SNRK: variants seen among roughly 807,000 people sequenced by gnomAD.
SNRK encodes SNF-related serine/threonine-protein kinase.
In SNRK, 3 loss-of-function variants were observed where a neutral mutation model predicts 48.2. The observed-to-expected ratio is 0.06, with a 90% confidence interval of 0.03 to 0.16. The LOEUF (loss-of-function observed/expected upper bound fraction) is 0.16. Among genes scored for constraint, SNRK ranks in the 10% least tolerant of loss-of-function variants. The pLI, the probability that SNRK is intolerant of heterozygous loss-of-function variation, is 1.00. For missense variants in SNRK, 627 were observed against 976.0 expected, an observed-to-expected ratio of 0.64 and a Z score of 4.76; for synonymous variants, 376 against 366.1, an observed-to-expected ratio of 1.03 and a Z score of -0.31.
chr3:43,348,362 G>A lies in SNRK; in HGVS notation c.2103G>A (p.Val701=), dbSNP rs1433830175. The change falls in exon 7 of 7, where the codon GTG becomes GTA. Residue 701 remains valine, a synonymous_variant. Transcript: ENST00000296088. ...STGNAGQVPA[V]GGIKFFSDHM... ...GGAATGCAGGGCAGGTCCCTGCAGT[G>A]GGCGGCATAAAGTTTTTCTCTGACC... is the stretch of plus-strand genomic sequence containing the variant. The A allele has an allele frequency of 1.2e-6, 2 of 1,607,882 alleles. No individual in the cohort carries two copies. Among genetic ancestry groups the A allele is most frequent in the Non-Finnish European group, 1.7e-6 (2 of 1,177,242 alleles).
Position 43,348,565 on chromosome 3 carries a change from C to T in SNRK, c.*8C>T, listed in dbSNP as rs951226572. 2.6e-6 allele frequency: 4 copies of T among 1,521,584 alleles called. No homozygotes were observed. Among genetic ancestry groups the T allele is most frequent in the Non-Finnish European group, 3.5e-6 (4 of 1,138,866 alleles). 94.3% of individuals were successfully genotyped at this position (1,521,584 alleles called of 1,614,324 possible). On this transcript the variant is annotated 3_prime_UTR_variant, in exon 7 of 7. Coordinates refer to ENST00000296088, the MANE Select transcript of SNRK (RefSeq NM_017719.5). ...TGTTGCCATGTCATCTGACTGTGGC[C>T]CCATCTGGCCGCTAGCACGCTTCCT...
At chr3:43,305,997 C>T (rs2090934886) in intron 3 of SNRK, among the ~76,000 whole-genome samples, 1 of 151,916 alleles carries the variant, frequency 6.6e-6, no homozygotes, top group Non-Finnish European at 1.5e-5. Context: ...TTGTAATGTT[C>T]CTTTTTCTTC....
chr3:43,320,488 G>C (rs1423072616), intron 3 of SNRK, among the ~76,000 whole-genome samples: 2 of 152,144 alleles, frequency 1.3e-5, no homozygotes, highest in South Asian at 4.1e-4. Flanking sequence ...CCACGTTCCA[G>C]GTTGTGATTC....
intron 3 of SNRK, among the ~76,000 whole-genome samples, chr3:43,313,005 T>A (rs1224317634): frequency 2.0e-5 from 3 of 152,176 alleles, no homozygotes; most frequent in African/African-American, 7.2e-5. Flanking sequence ...TTAACATAAT[T>A]CCTATCAAAA....
At chr3:43,339,137 G>T (rs2091213258) in intron 4 of SNRK, among the ~76,000 whole-genome samples, 2 of 152,196 alleles carry the variant, frequency 1.3e-5, no homozygotes, top group African/African-American at 2.4e-5. Flanking sequence ...TCTACTAGTT[G>T]CCTAGGAGTG....
chr3:43,296,415 C>CATATATATAT (rs371078181), intron 1 of SNRK, among the ~76,000 whole-genome samples: 22,249 of 126,818 alleles, frequency 0.18, 2,275 homozygotes, highest in South Asian at 0.26. Context: ...GATATACTGG[C>CATATATATAT]ATATATATAT....
intron 1 of SNRK, among the ~76,000 whole-genome samples, chr3:43,294,812 G>T (rs563925512): frequency 6.6e-6 from 1 of 151,766 alleles, no homozygotes; most frequent in African/African-American, 2.4e-5. Flanking sequence ...ATAAAAAGAT[G>T]GTAGGGAGTT....
rs1370344994 is a variant in SNRK, at chr3:43,340,561, C to CT, written c.944+63dup. The CT allele has an allele frequency of 3.2e-5, 45 of 1,408,896 alleles. No homozygotes were observed. In the Admixed American group the frequency reaches 7.7e-4, roughly 24 times the overall value. The allele number at this position is 1,408,896 out of a possible 1,614,324, so 87.3% of individuals were successfully genotyped here. A position where few individuals can be genotyped will look rare whatever the true frequency, so the allele number is the denominator to read the frequency against. On this transcript the variant is annotated intron_variant, in intron 5 of 6. Coordinates refer to ENST00000296088, the MANE Select transcript of SNRK (RefSeq NM_017719.5). ...TTAGGATTCTTGGAATGGGCTCTCT[C>CT]TACTTAACACAGCCTTTGGACACCT...
chr3:43,300,608 G>GCCCC (rs34151308), intron 2 of SNRK, among the ~76,000 whole-genome samples: 74 of 147,142 alleles, frequency 5.0e-4, no homozygotes, highest in African/African-American at 1.9e-3. Context: ...ATAGTTTCCT[G>GCCCC]CCCCCCCCCC....
chr3:43,302,367 A>C (rs2090903775), intron 2 of SNRK, among the ~76,000 whole-genome samples: 1 of 152,192 alleles, frequency 6.6e-6, no homozygotes, highest in African/African-American at 2.4e-5. Context: ...ATTTTGGAAA[A>C]AGTTGCATTT....
At chr3:43,287,289 C>G (rs978612451) in intron 1 of SNRK, among the ~76,000 whole-genome samples, 1 of 152,158 alleles carries the variant, frequency 6.6e-6, no homozygotes, top group African/African-American at 2.4e-5. Flanking sequence ...GGGAAATCTA[C>G]GTTCTTTTCC....
intron 3 of SNRK, among the ~76,000 whole-genome samples, chr3:43,319,211 C>T (rs1007703584): frequency 1.3e-5 from 2 of 151,926 alleles, no homozygotes; most frequent in African/African-American, 4.8e-5. Flanking sequence ...ATCTATTAGC[C>T]TTATATAGGG....
chr3:43,321,661 G>C lies in SNRK; in HGVS notation c.590-10508G>C, dbSNP rs181222701. Among the ~76,000 whole-genome samples, 3 of 152,326 alleles carry C rather than the reference G, an allele frequency of 2.0e-5. No individual in the cohort carries two copies. The East Asian group carries it at 5.8e-4, about 29-fold the overall frequency. ...CAAGTGCCCTGACTGATAGCAGCAA[G>C]ATGAGAAAGAATCATGAAATCATCA... On this transcript the variant is annotated intron_variant, in intron 3 of 6. Transcript: ENST00000296088.
At chr3:43,305,608 G>A (rs901438550) in intron 3 of SNRK, among the ~76,000 whole-genome samples, 1 of 149,770 alleles carries the variant, frequency 6.7e-6, no homozygotes, top group Admixed American at 6.7e-5. Context: ...TCAGCCTCCC[G>A]AGTAGCTGGG....
intron 2 of SNRK, 143 bp from the exon 3 acceptor site, chr3:43,302,955 A>G: frequency 2.7e-6 from 1 of 369,356 alleles, no homozygotes; most frequent in Non-Finnish European, 4.8e-6. Context: ...AATAGGTTTT[A>G]TTAATGACCC....
In SNRK at chr3:43,299,820, GTC is replaced by G. The variant is rs901619110; in HGVS notation, c.-107+7_-107+8del. ...ATTCAGTATGCAGTTTGCAGGGTAT[GTC>G]TTGGAGACAGTACAAATTCACCTTT... On this transcript the variant is annotated splice_donor_region_variant and intron_variant, in intron 2 of 6. Coordinates refer to ENST00000296088, the MANE Select transcript of SNRK (RefSeq NM_017719.5). The G allele has an allele frequency of 2.0e-5, 3 of 152,604 alleles. No individual in the cohort carries two copies. Among genetic ancestry groups the G allele is most frequent in the Non-Finnish European group, 4.4e-5 (3 of 68,034 alleles). 9.5% of individuals were successfully genotyped at this position (152,604 alleles called of 1,614,324 possible). A position where few individuals can be genotyped will look rare whatever the true frequency, so the allele number is the denominator to read the frequency against.
chr3:43,321,139 G>A (rs1325678628), intron 3 of SNRK, among the ~76,000 whole-genome samples: 2 of 151,930 alleles, frequency 1.3e-5, no homozygotes, highest in Non-Finnish European at 2.9e-5. Context: ...AGAATTTCTT[G>A]GGTTTACCAT....
At position 43,347,545 on chromosome 3, in the gene SNRK, C is replaced by G; in HGVS notation, c.1286C>G (p.Pro429Arg). Residue 429 changes from proline (P) to arginine (R), a missense_variant, in exon 7 of 7, where the codon CCC (proline) becomes CGC (arginine). Pro to Arg is a moderately radical substitution (Grantham distance 103). Around this residue, in one of 4 missense-constraint regions of SNRK, gnomAD observed 175 missense variants for 209.7 expected, o/e 0.83. Coordinates refer to ENST00000296088, the MANE Select transcript of SNRK (RefSeq NM_017719.5). The surrounding 1 kb of genome is among the most constrained non-coding windows in gnomAD (Gnocchi z 5.4). ...GGACCAGCACTCTCTACGGTGCCAC[C>G]CGCAAGCTTAAAACCCACAGCCAGT... ...LAGPALSTVPPASLKPTASGR... is the reference protein window; with the variant it reads ...LAGPALSTVPRASLKPTASGR... 6.2e-7 allele frequency: 1 copy of G among 1,613,668 alleles called. No homozygotes were observed. Among genetic ancestry groups the G allele is most frequent in the Non-Finnish European group, 8.5e-7 (1 of 1,179,778 alleles).
At chr3:43,296,583 C>T (rs2090857691) in intron 1 of SNRK, among the ~76,000 whole-genome samples, 1 of 151,814 alleles carries the variant, frequency 6.6e-6, no homozygotes. Context: ...TTGTTCAACT[C>T]CTCTACTTTC....
Sources: allele counts gnomAD v4.1 joint callset (sites outside exome capture counted in the v4.1 genomes callset), GRCh38; gene constraint gnomAD v4.1.1; regional missense constraint gnomAD v4.1.1; non-coding constraint Gnocchi (gnomAD v3.1); transcripts MANE v1.5; gene names NCBI Gene and HGNC (gene_info 2026-07-23, HGNC 2026-07-21).